The following CD86 variants were observed in gnomAD, a reference collection of about 807,000 sequenced individuals.
CD86 encodes the protein CD86 molecule.
A neutral mutation model predicts 32.1 loss-of-function variants in CD86; 11 were observed. The observed-to-expected ratio is 0.34, with a 90% CI of 0.22 to 0.57. CD86 has a LOEUF of 0.57. CD86 is among the 20% of genes least tolerant of loss of function. The pLI is 0.86. For missense variants in CD86, 359 were observed against 398.4 expected, an observed-to-expected ratio of 0.90 and a Z score of 0.84; for synonymous variants, 137 against 135.3, an observed-to-expected ratio of 1.01 and a Z score of -0.09.
intron 1 of CD86, among the ~76,000 whole-genome samples, chr3:122,065,205 A>C (rs1018560692): frequency 1.8e-4 from 28 of 152,224 alleles, no homozygotes; most frequent in African/African-American, 6.8e-4. Flanking sequence ...ATGGCAGATC[A>C]GGGAAGGAAG....
At chr3:122,112,292 G>T (rs577398152) in intron 5 of CD86, among the ~76,000 whole-genome samples, 1 of 152,060 alleles carries the variant, frequency 6.6e-6, no homozygotes, top group Non-Finnish European at 1.5e-5. Context: ...TTTTTCAAAA[G>T]AAATTATTAT....
At chr3:122,056,731 T>G (rs1242286133) in intron 1 of CD86, among the ~76,000 whole-genome samples, 3 of 152,258 alleles carry the variant, frequency 2.0e-5, no homozygotes, top group African/African-American at 7.2e-5. Flanking sequence ...TGCTTTTATT[T>G]CAGAAGATTA....
intron 5 of CD86, among the ~76,000 whole-genome samples, chr3:122,110,083 G>T (rs1002511499): frequency 6.6e-6 from 1 of 152,004 alleles, no homozygotes; most frequent in African/African-American, 2.4e-5. Context: ...TTCACAATTT[G>T]GATAATATAT....
intron 1 of CD86, among the ~76,000 whole-genome samples, chr3:122,080,581 C>T (rs1559902515): frequency 6.6e-6 from 1 of 152,194 alleles, no homozygotes; most frequent in Non-Finnish European, 1.5e-5. Flanking sequence ...CTTCTCTGCA[C>T]CTACTCATCC....
chr3:122,064,505 G>A (rs546252015), intron 1 of CD86, among the ~76,000 whole-genome samples: 7 of 152,228 alleles, frequency 4.6e-5, no homozygotes, highest in East Asian at 1.9e-4. Flanking sequence ...TGTGGTTTAC[G>A]TACAGCTCCA....
In CD86 at chr3:122,119,591, C is replaced by T. The variant is rs2073311817; in HGVS notation, c.*57C>T. Reference sequence around the variant, plus strand: ...TTTTCTACCCTTTCCTTTGTAAGTTCCTGGGCAACCTTTTTGATTTCTTCC... The same window carrying T: ...TTTTCTACCCTTTCCTTTGTAAGTTTCTGGGCAACCTTTTTGATTTCTTCC... On this transcript the variant is annotated 3_prime_UTR_variant, in exon 7 of 7. Transcript: ENST00000330540. 18 of 1,085,742 alleles carry T rather than the reference C, an allele frequency of 1.7e-5. No homozygotes were observed. The highest frequency in any genetic ancestry group is 2.5e-5 in the Non-Finnish European group (18 of 716,382). The allele number at this position is 1,085,742 out of a possible 1,614,324, so 67.3% of individuals were successfully genotyped here.
chr3:122,066,434 G>A (rs1279118738), intron 1 of CD86, among the ~76,000 whole-genome samples: 1 of 152,134 alleles, frequency 6.6e-6, no homozygotes, highest in Admixed American at 6.5e-5. Context: ...CATCTCTCCA[G>A]CATTCTAACA....
intron 1 of CD86, among the ~76,000 whole-genome samples, chr3:122,086,799 C>G (rs1186255584): frequency 6.6e-6 from 1 of 152,226 alleles, no homozygotes; most frequent in African/African-American, 2.4e-5. Context: ...CACCATCACA[C>G]CTGGCCCTAG....
chr3:122,074,156 T>C (rs1259072524), intron 1 of CD86, among the ~76,000 whole-genome samples: 1 of 152,202 alleles, frequency 6.6e-6, no homozygotes, highest in East Asian at 1.9e-4. Context: ...CTGGGCCCCA[T>C]GAGCAAAGCA....
At chr3:122,094,096 G>A (rs1237480076) in intron 2 of CD86, among the ~76,000 whole-genome samples, 1 of 152,164 alleles carries the variant, frequency 6.6e-6, no homozygotes, top group Non-Finnish European at 1.5e-5. Context: ...AAGAGCTTGG[G>A]CCCAAGCCCT....
At chr3:122,059,904 C>T (rs2072303141) in intron 1 of CD86, among the ~76,000 whole-genome samples, 1 of 152,178 alleles carries the variant, frequency 6.6e-6, no homozygotes, top group African/African-American at 2.4e-5. Flanking sequence ...GACGGCCATC[C>T]ACATACAAGC....
intron 1 of CD86, among the ~76,000 whole-genome samples, chr3:122,059,203 A>G (rs769813127): frequency 1.3e-5 from 2 of 152,156 alleles, no homozygotes; most frequent in African/African-American, 2.4e-5. Flanking sequence ...TCTTCTGCAT[A>G]AGTATGGTTG....
At chr3:122,094,370 A>G (rs2072874339) in intron 2 of CD86, among the ~76,000 whole-genome samples, 1 of 152,194 alleles carries the variant, frequency 6.6e-6, no homozygotes, top group South Asian at 2.1e-4. Context: ...GAAAGCAACA[A>G]CCTCAAATGG....
intron 3 of CD86, among the ~76,000 whole-genome samples, chr3:122,104,599 G>T (rs1324607031): frequency 6.6e-6 from 1 of 152,090 alleles, no homozygotes; most frequent in African/African-American, 2.4e-5. Flanking sequence ...CCCTCAGGCT[G>T]TCCCTTCATA....
chr3:122,119,370 T>C (rs1201943409), intron 6 of CD86, 68 bp from the exon 7 acceptor site: 6 of 912,868 alleles, frequency 6.6e-6, no homozygotes, highest in South Asian at 1.4e-5. Context: ...TGCCCTATCA[T>C]TGAAATCTAG....
chr3:122,097,455 G>A (rs1242617222), intron 2 of CD86, among the ~76,000 whole-genome samples: 1 of 152,158 alleles, frequency 6.6e-6, no homozygotes, highest in African/African-American at 2.4e-5. Flanking sequence ...CTCTTACTAC[G>A]ACGGTATAAT....
In CD86 at chr3:122,103,545, A is replaced by G. The variant is rs778676985; in HGVS notation, c.98A>G (p.Asn33Ser). 4 of 1,613,252 alleles carry G rather than the reference A, an allele frequency of 2.5e-6. No homozygotes were observed. Among genetic ancestry groups the G allele is most frequent in the East Asian group, 4.5e-5 (2 of 44,892 alleles). Residue 33 changes from asparagine (N) to serine (S), a missense_variant, in exon 3 of 7, where the codon AAT becomes AGT. Physicochemically the swap from Asn to Ser is conservative, Grantham distance 46. Transcript: ENST00000330540. ...AAPLKIQAYF[N>S]ETADLPCQFA... ...CCTCTGAAGATTCAAGCTTATTTCA[A>G]TGAGACTGCAGACCTGCCATGCCAA...
Position 122,119,565 on chromosome 3 carries a change from T to C in CD86, c.*31T>C, listed in dbSNP as rs749137971. 7.4e-7 allele frequency: 1 copy of C among 1,346,824 alleles called. No individual in the cohort carries two copies. 83.4% of individuals were successfully genotyped at this position (1,346,824 alleles called of 1,614,324 possible). A position where few individuals can be genotyped will look rare whatever the true frequency, so the allele number is the denominator to read the frequency against. On this transcript the variant is annotated 3_prime_UTR_variant, in exon 7 of 7. Coordinates refer to ENST00000330540, the MANE Select transcript of CD86 (RefSeq NM_175862.5). ...GAGTAAAGCCCATACAAGTATTCAT[T>C]TTTTCTACCCTTTCCTTTGTAAGTT...
At chr3:122,066,749 GC>G (rs1338738592) in intron 1 of CD86, among the ~76,000 whole-genome samples, 1 of 152,130 alleles carries the variant, frequency 6.6e-6, no homozygotes, top group Non-Finnish European at 1.5e-5. Flanking sequence ...CTGTTACTAT[GC>G]TAAGTACCAG....
Sources: gnomAD v4.1 joint callset for allele counts (sites outside exome capture counted in the v4.1 genomes callset) on GRCh38, gnomAD v4.1.1 for gene constraint, MANE v1.5 for transcripts, NCBI Gene and HGNC (gene_info 2026-07-23, HGNC 2026-07-21) for gene names.